The following THSD4 variants were observed in gnomAD, a reference collection of about 807,000 sequenced individuals.
THSD4 encodes the protein thrombospondin type 1 domain containing 4.
Under a neutral mutation model 119.0 loss-of-function variants are expected in THSD4, and 69 were observed. The observed-to-expected ratio is 0.58, with a 90% CI of 0.48 to 0.71. The LOEUF (loss-of-function observed/expected upper bound fraction) is 0.71, where lower values mean the gene tolerates loss of function less well. Among genes scored for constraint, THSD4 ranks in the 30% least tolerant of loss-of-function variants. The pLI is 0.00. For synonymous variants in THSD4, 524 were observed against 540.4 expected (o/e 0.97, Z 0.42); for missense variants, 1,393 against 1,391.1 (o/e 1.00, Z -0.02).
In THSD4 at chr15:71,748,487, G is replaced by A. The variant is rs771914434; in HGVS notation, c.2308G>A (p.Val770Met). ...GAAGTGTGTGAGCAACATTGGGGAT[G>A]TGGTTGACGATGAGGAATGCAACAT... is the stretch of plus-strand genomic sequence containing the variant. ...DVKCVSNIGDVVDDEECNMKL... is the reference protein window; with the variant it reads ...DVKCVSNIGDMVDDEECNMKL... The change falls in exon 14 of 18, where the codon GTG (valine) becomes ATG (methionine). Residue 770 changes from valine (V) to methionine (M), a missense_variant. Val to Met is a conservative substitution (Grantham distance 21, BLOSUM62 1). Coordinates refer to ENST00000261862, the MANE Select transcript of THSD4 (RefSeq NM_024817.3). 5.6e-6 allele frequency: 9 copies of A among 1,614,116 alleles called. No homozygotes were observed. The highest frequency in any genetic ancestry group is 5.9e-6 in the Non-Finnish European group (7 of 1,180,036).
At chr15:71,724,239 A>G (rs1162280737) in intron 8 of THSD4, among the ~76,000 whole-genome samples, 62 of 139,082 alleles carry the variant, frequency 4.5e-4, no homozygotes, top group Admixed American at 1.4e-3. Context: ...GGGCTGCAGC[A>G]TCTGGGGGAG....
chr15:71,757,554 C>CCGAGTAGTTGGGATTACAGGTGCA (rs1555449798), intron 14 of THSD4, among the ~76,000 whole-genome samples: 78 of 151,944 alleles, frequency 5.1e-4, no homozygotes, highest in South Asian at 8.3e-4. Context: ...CTTCAGCCTC[C>CCGAGTAGTTGGGATTACAGGTGCA]CAAAGCTCTG....
intron 6 of THSD4, among the ~76,000 whole-genome samples, chr15:71,258,913 AGACCAGCCT>A (rs749581241): frequency 2.0e-5 from 3 of 152,124 alleles, no homozygotes; most frequent in Non-Finnish European, 4.4e-5. Flanking sequence ...CGGGAGTTCA[AGACCAGCCT>A]GACCAACATG....
intron 3 of THSD4, among the ~76,000 whole-genome samples, chr15:71,212,379 A>G (rs1200095860): frequency 6.6e-6 from 1 of 152,178 alleles, no homozygotes; most frequent in Non-Finnish European, 1.5e-5. Flanking sequence ...TTCTTCCCCC[A>G]GGGACCTGCC....
chr15:71,280,118 AG>A (rs2044634824), intron 6 of THSD4, among the ~76,000 whole-genome samples: 1 of 152,224 alleles, frequency 6.6e-6, no homozygotes, highest in Non-Finnish European at 1.5e-5. Context: ...GTGCAGATGT[AG>A]GGGAAGGGTG....
chr15:71,374,553 C>T (rs138538489), intron 6 of THSD4, among the ~76,000 whole-genome samples: 16 of 152,206 alleles, frequency 1.1e-4, no homozygotes, highest in African/African-American at 3.6e-4. Context: ...GAAGTTCTAC[C>T]AGTTCTGCTG....
intron 17 of THSD4, among the ~76,000 whole-genome samples, chr15:71,772,461 G>C (rs554656740): frequency 6.6e-6 from 1 of 152,248 alleles, no homozygotes; most frequent in African/African-American, 2.4e-5. Flanking sequence ...CCTTGCTATA[G>C]AATATAAAGG....
intron 7 of THSD4, among the ~76,000 whole-genome samples, chr15:71,595,610 T>G (rs2049894015): frequency 7.5e-3 from 2 of 268 alleles, no homozygotes; most frequent in African/African-American, 0.012. Flanking sequence ...AGCCATATGT[T>G]CAGAACTTGG....
intron 5 of THSD4, among the ~76,000 whole-genome samples, chr15:71,245,324 A>G (rs1187531639): frequency 6.6e-6 from 1 of 151,984 alleles, no homozygotes; most frequent in African/African-American, 2.4e-5. Flanking sequence ...AGGTTCCATT[A>G]TTGCATGTAT....
At chr15:71,334,865 A>G (rs1289437503) in intron 6 of THSD4, among the ~76,000 whole-genome samples, 3 of 152,220 alleles carry the variant, frequency 2.0e-5, no homozygotes, top group African/African-American at 7.2e-5. Context: ...TGTGCTGTCT[A>G]TCTGGGACAA....
At chr15:71,689,337 G>A (rs149689241) in intron 8 of THSD4, among the ~76,000 whole-genome samples, 1 of 152,262 alleles carries the variant, frequency 6.6e-6, no homozygotes, top group African/African-American at 2.4e-5. Flanking sequence ...CAGACATGGA[G>A]CCTCAAGTCA....
chr15:71,572,939 C>T (rs1424520529), intron 7 of THSD4, among the ~76,000 whole-genome samples: 1 of 152,148 alleles, frequency 6.6e-6, no homozygotes, highest in Non-Finnish European at 1.5e-5. Context: ...CCTGGGAAGG[C>T]ATGCCAGGAG....
intron 6 of THSD4, among the ~76,000 whole-genome samples, chr15:71,294,923 T>TAAAAA (rs10656605): frequency 7.2e-6 from 1 of 138,156 alleles, no homozygotes; most frequent in East Asian, 2.1e-4. Context: ...CTCACAGCTG[T>TAAAAA]AAAAAAAAAA....
At chr15:71,587,613 G>A (rs2049698308) in intron 7 of THSD4, among the ~76,000 whole-genome samples, 1 of 119,394 alleles carries the variant, frequency 8.4e-6, no homozygotes, top group South Asian at 3.4e-4. Flanking sequence ...TCACACTCTG[G>A]GGACTGTGGT....
intron 7 of THSD4, among the ~76,000 whole-genome samples, chr15:71,601,298 G>A (rs113531773): frequency 0.014 from 2,064 of 152,208 alleles, 28 homozygotes; most frequent in Non-Finnish European, 0.019. Context: ...GGGGTAGTGG[G>A]GAGAATTGAT....
intron 10 of THSD4, chr15:71,732,187 G>A (rs1196649661): frequency 6.6e-6 from 1 of 152,206 alleles, no homozygotes; most frequent in Non-Finnish European, 1.5e-5. Context: ...TGCTATGTAA[G>A]GTAGCATGTT....
intron 7 of THSD4, among the ~76,000 whole-genome samples, chr15:71,626,411 T>A (rs541014709): frequency 5.3e-5 from 8 of 152,340 alleles, no homozygotes; most frequent in African/African-American, 1.9e-4. Flanking sequence ...GGAATGTGTA[T>A]TAAATTTTCT....
intron 4 of THSD4, among the ~76,000 whole-genome samples, chr15:71,230,364 C>G (rs1455297926): frequency 6.6e-6 from 1 of 152,220 alleles, no homozygotes; most frequent in South Asian, 2.1e-4. Flanking sequence ...CTCCGTACTC[C>G]TCAGTCCCAT....
At chr15:71,700,133 T>C (rs1168721292) in intron 8 of THSD4, among the ~76,000 whole-genome samples, 1 of 152,120 alleles carries the variant, frequency 6.6e-6, no homozygotes, top group East Asian at 1.9e-4. Context: ...ATAAAGATTG[T>C]AGAAAAAGGA....
Sources: allele counts gnomAD v4.1 joint callset (sites outside exome capture counted in the v4.1 genomes callset), GRCh38; gene constraint gnomAD v4.1.1; transcripts MANE v1.5; gene names NCBI Gene and HGNC (gene_info 2026-07-23, HGNC 2026-07-21).